The following FBXO9 variants were observed in gnomAD, a reference collection of about 807,000 sequenced individuals.
FBXO9 encodes F-box only protein 9.
FBXO9 carries 43 observed loss-of-function variants against 63.7 expected under a neutral mutation model. The observed-to-expected ratio is 0.67, with a 90% CI of 0.53 to 0.87. The LOEUF (loss-of-function observed/expected upper bound fraction) is 0.87, where lower values mean the gene tolerates loss of function less well. FBXO9 is among the 40% of genes least tolerant of loss of function. The probability of loss-of-function intolerance (pLI) is 0.00; values close to 1 mark genes in which losing one functional copy is unlikely to be tolerated. For synonymous variants in FBXO9, 156 were observed against 171.7 expected (o/e 0.91, Z 0.72); for missense variants, 442 against 533.2 (o/e 0.83, Z 1.68).
chr6:53,093,381 A>C, intron 9 of FBXO9, 85 bp from the exon 10 acceptor site: 1 of 838,726 alleles, frequency 1.2e-6, no homozygotes, highest in Non-Finnish European at 1.9e-6. Flanking sequence ...CATAGCTATG[A>C]ATAGGCATAG....
intron 12 of FBXO9, 122 bp from the exon 13 acceptor site, chr6:53,097,600 T>C: frequency 2.0e-6 from 1 of 499,038 alleles, no homozygotes; most frequent in Admixed American, 3.7e-5. Context: ...TTATATAGAA[T>C]TTCCTAAGAT....
At chr6:53,067,508 G>A (rs938975008) in intron 1 of FBXO9, among the ~76,000 whole-genome samples, 1 of 152,150 alleles carries the variant, frequency 6.6e-6, no homozygotes, top group African/African-American at 2.4e-5. Context: ...ATAGCTAAGT[G>A]AGGAAGAAGG....
intron 1 of FBXO9, 91 bp from the exon 2 acceptor site, chr6:53,070,966 T>C: frequency 6.5e-7 from 1 of 1,540,146 alleles, no homozygotes; most frequent in East Asian, 2.5e-5. Flanking sequence ...AGTATGGTAC[T>C]AAATAGAAAG....
In FBXO9 at chr6:53,098,456, T is replaced by G. The variant is rs1450098142; in HGVS notation, c.*626T>G. ...AGCGGAGACTTTAAGAATCATTGCC[T>G]CTAGCTGGGTGTGGTGGCATGCACC... On this transcript the variant is annotated 3_prime_UTR_variant, in exon 13 of 13. Transcript: ENST00000323557. 1 of 154,028 alleles carries G rather than the reference T, an allele frequency of 6.5e-6. No homozygotes were observed. Among genetic ancestry groups the G allele is most frequent in the African/African-American group, 2.4e-5 (1 of 41,472 alleles). 9.5% of individuals were successfully genotyped at this position (154,028 alleles called of 1,614,324 possible). A position where few individuals can be genotyped will look rare whatever the true frequency, so the allele number is the denominator to read the frequency against.
intron 1 of FBXO9, among the ~76,000 whole-genome samples, chr6:53,066,385 T>TGAGAG (rs1768700037): frequency 6.6e-6 from 1 of 152,198 alleles, no homozygotes; most frequent in South Asian, 2.1e-4. Context: ...GCCGTCCAAA[T>TGAGAG]GAGAGACTGA....
At chr6:53,096,219 T>C (rs1183053018) in intron 12 of FBXO9, among the ~76,000 whole-genome samples, 1 of 152,150 alleles carries the variant, frequency 6.6e-6, no homozygotes, top group African/African-American at 2.4e-5. Context: ...ATCAGTGAAC[T>C]GAAGAGGGGA....
intron 12 of FBXO9, among the ~76,000 whole-genome samples, chr6:53,096,871 A>G (rs1373181452): frequency 6.6e-6 from 1 of 152,206 alleles, no homozygotes; most frequent in African/African-American, 2.4e-5. Flanking sequence ...ACACCACTGC[A>G]CTCCAGCCTC....
rs571264141 is a variant in FBXO9 at position 53,098,097 on chromosome 6, G to C, written c.*267G>C. On this transcript the variant is annotated 3_prime_UTR_variant, in exon 13 of 13. Transcript: ENST00000323557. ...TTTGAAATTAAGTTGGAATTAAGTT[G>C]CTTAAGCATATTTATGTTGTGAGAA... is the stretch of plus-strand genomic sequence containing the variant. 3.5e-6 allele frequency: 1 copy of C among 285,262 alleles called. No individual in the cohort carries two copies. The highest frequency in any genetic ancestry group is 2.2e-5 in the African/African-American group (1 of 44,630). The allele number at this position is 285,262 out of a possible 1,614,324, so 17.7% of individuals were successfully genotyped here. A position where few individuals can be genotyped will look rare whatever the true frequency, so the allele number is the denominator to read the frequency against.
chr6:53,068,796 T>C (rs987867480), intron 1 of FBXO9, among the ~76,000 whole-genome samples: 3 of 151,840 alleles, frequency 2.0e-5, no homozygotes, highest in Admixed American at 1.3e-4. Context: ...GGGGCTACTG[T>C]GTACCACCAC....
intron 7 of FBXO9, among the ~76,000 whole-genome samples, chr6:53,088,826 C>T (rs1236565888): frequency 6.6e-6 from 1 of 152,058 alleles, no homozygotes; most frequent in African/African-American, 2.4e-5. Context: ...CCTCTAACTC[C>T]CAACCGCAGG....
intron 12 of FBXO9, 44 bp downstream of exon 12, chr6:53,095,708 A>G (rs751996273): frequency 1.5e-5 from 22 of 1,506,042 alleles, no homozygotes; most frequent in Admixed American, 4.1e-5. Context: ...CTATAAATGT[A>G]TACTTCGTAT....
At chr6:53,087,518 G>A (rs1193201592) in intron 7 of FBXO9, among the ~76,000 whole-genome samples, 1 of 152,084 alleles carries the variant, frequency 6.6e-6, no homozygotes, top group Non-Finnish European at 1.5e-5. Context: ...AGAAGGCAAT[G>A]GTGTATGACC....
Position 53,065,523 on chromosome 6 carries a change from G to T in FBXO9, c.-267G>T, listed in dbSNP as rs929567001. On this transcript the variant is annotated 5_prime_UTR_variant, in exon 1 of 13. Transcript: ENST00000323557. ...ACAATCCCCCGCCTCGGCTGGCAACGGGCGTCCCTCCACTCCCCGAGTCCC... is the reference window on the plus strand; with the variant it reads ...ACAATCCCCCGCCTCGGCTGGCAACTGGCGTCCCTCCACTCCCCGAGTCCC... 5 of 388,780 alleles carry T rather than the reference G, an allele frequency of 1.3e-5. No individual in the cohort carries two copies. Among genetic ancestry groups the T allele is most frequent in the Non-Finnish European group, 2.3e-5 (5 of 219,406 alleles). 24.1% of individuals were successfully genotyped at this position (388,780 alleles called of 1,614,324 possible).
At position 53,068,637 on chromosome 6, in the gene FBXO9, A is replaced by AATATAT. The variant is rs10667878; in HGVS notation, c.4-2411_4-2406dup. Among the ~76,000 whole-genome samples the AATATAT allele has an allele frequency of 2.5e-3, 363 of 142,464 alleles. 2 individuals carry two copies. The highest frequency in any genetic ancestry group is 5.7e-3 in the African/African-American group (223 of 38,914). The allele number at this position is 142,464 out of a possible 152,430, so 93.5% of individuals were successfully genotyped here. On this transcript the variant is annotated intron_variant, in intron 1 of 12. Transcript: ENST00000323557. ...TAAAAGAAGTGACATCATCTTACGG[A>AATATAT]ATATATATATATATGTGTTTTTTTT...
chr6:53,076,458 CA>C (rs1353629993), intron 3 of FBXO9, 27 bp from the exon 4 acceptor site: 7 of 1,474,712 alleles, frequency 4.7e-6, no homozygotes, highest in Non-Finnish European at 6.3e-6. Context: ...TGCAGGTTTT[CA>C]AAAATTTTTA....
At chr6:53,066,246 T>TGCAGG in intron 1 of FBXO9, 1 of 646,854 alleles carries the variant, frequency 1.5e-6, no homozygotes, top group South Asian at 6.8e-5. Flanking sequence ...CCACCGACAG[T>TGCAGG]CCCTGCCGGC....
At chr6:53,083,139 A>G (rs1271477861) in intron 7 of FBXO9, among the ~76,000 whole-genome samples, 2 of 152,248 alleles carry the variant, frequency 1.3e-5, no homozygotes, top group African/African-American at 4.8e-5. Flanking sequence ...CAAAAATCAA[A>G]TCAAGATGGA....
At position 53,093,567 on chromosome 6, in the gene FBXO9, A is replaced by G. The variant is rs1436044638; in HGVS notation, c.959+6A>G. ...TTAAGAACTAGGAATACCAGGTAGC[A>G]TTTGTTTTTTAAATGGCTTTCCATC... is the stretch of plus-strand genomic sequence containing the variant. On this transcript the variant is annotated splice_donor_region_variant and intron_variant, in intron 10 of 12. Transcript: ENST00000323557. The G allele has an allele frequency of 1.9e-6, 3 of 1,608,124 alleles. No homozygotes were observed. Among genetic ancestry groups the G allele is most frequent in the East Asian group, 2.2e-5 (1 of 44,804 alleles).
intron 1 of FBXO9, 134 bp downstream of exon 1, chr6:53,065,926 G>A (rs1768678799): frequency 8.4e-7 from 1 of 1,187,176 alleles, no homozygotes; most frequent in African/African-American, 1.6e-5. Context: ...ACCCGTTAGA[G>A]GGCCCTGGCC....
Sources: allele counts gnomAD v4.1 joint callset (sites outside exome capture counted in the v4.1 genomes callset), GRCh38; gene constraint gnomAD v4.1.1; transcripts MANE v1.5; gene names NCBI Gene and HGNC (gene_info 2026-07-23, HGNC 2026-07-21).